Variants in DMXL1 observed in about 807,000 individuals in gnomAD.
The protein encoded by DMXL1 is Dmx like 1.
In DMXL1, 99 loss-of-function variants were observed where a neutral mutation model predicts 319.2. That is an observed-to-expected ratio of 0.31 (90% confidence interval 0.26 to 0.37). The LOEUF (loss-of-function observed/expected upper bound fraction) is 0.37. Ranked by LOEUF, DMXL1 falls within the 10% of genes least tolerant of loss-of-function variation. DMXL1 has a pLI of 1.00. For missense variants in DMXL1, 3,745 were observed against 3,595.6 expected (o/e 1.04, Z -1.06); for synonymous variants, 1,385 against 1,235.2 (o/e 1.12, Z -2.54).
intron 40 of DMXL1, among the ~76,000 whole-genome samples, chr5:119,237,910 A>G (rs1313517473): frequency 1.3e-5 from 2 of 152,060 alleles, no homozygotes; most frequent in East Asian, 1.9e-4. Context: ...TTTATATTTC[A>G]TATCTTCAGT....
intron 8 of DMXL1, among the ~76,000 whole-genome samples, chr5:119,119,240 C>T (rs1761497514): frequency 1.3e-5 from 2 of 152,144 alleles, no homozygotes; most frequent in Admixed American, 1.3e-4. Context: ...AGGATGATTA[C>T]ATTTGACTTG....
intron 19 of DMXL1, among the ~76,000 whole-genome samples, chr5:119,162,066 C>T (rs1772393438): frequency 1.3e-5 from 2 of 152,216 alleles, no homozygotes; most frequent in South Asian, 2.1e-4. Flanking sequence ...ACTGGGGAAG[C>T]TCAATGTCTG....
At position 119,149,103 on chromosome 5, in the gene DMXL1, C is replaced by A; in HGVS notation, c.3276C>A (p.Val1092=). ...AGTCAACAGGAGGTTCATGTTGGGT[C>A]CTTGAGCAGACAATTCATTTAGATG... is the stretch of plus-strand genomic sequence containing the variant. ...ECESTGGSCW[V]LEQTIHLDEL... is the part of the protein sequence containing the mutation. The change falls in exon 18 of 44, where the codon GTC becomes GTA. Residue 1092 remains valine, a synonymous_variant. Coordinates refer to ENST00000539542, the MANE Select transcript of DMXL1 (RefSeq NM_001290321.3). The A allele has an allele frequency of 6.2e-7, 1 of 1,613,792 alleles. No homozygotes were observed. The highest frequency in any genetic ancestry group is 1.1e-5 in the South Asian group (1 of 91,056).
chr5:119,116,092 T>C, intron 6 of DMXL1, 66 bp from the exon 7 acceptor site: 1 of 1,448,654 alleles, frequency 6.9e-7, no homozygotes, highest in African/African-American at 1.4e-5. Context: ...ATTCTTACTT[T>C]TGCTATTTGA....
chr5:119,171,343 T>C (rs1484128174), intron 24 of DMXL1, 63 bp downstream of exon 24: 1 of 1,500,656 alleles, frequency 6.7e-7, no homozygotes, highest in African/African-American at 1.4e-5. Flanking sequence ...GTGTTTCTTT[T>C]TTGGTTTTGA....
At chr5:119,234,678 A>T (rs1787402400) in intron 39 of DMXL1, among the ~76,000 whole-genome samples, 1 of 152,138 alleles carries the variant, frequency 6.6e-6, no homozygotes, top group South Asian at 2.1e-4. Flanking sequence ...TGTATTCTCT[A>T]TCAATGTGCT....
chr5:119,161,577 C>T (rs1240138444), intron 19 of DMXL1, among the ~76,000 whole-genome samples: 1 of 152,338 alleles, frequency 6.6e-6, no homozygotes, highest in East Asian at 1.9e-4. Flanking sequence ...GCAGGCCTGT[C>T]TTCTAAGGAA....
At chr5:119,155,221 TATC>T (rs1231381886) in intron 19 of DMXL1, among the ~76,000 whole-genome samples, 1 of 152,226 alleles carries the variant, frequency 6.6e-6, no homozygotes, top group African/African-American at 2.4e-5. Flanking sequence ...TTTTAAGTCT[TATC>T]ATTTAAGAAA....
intron 32 of DMXL1, among the ~76,000 whole-genome samples, chr5:119,200,161 G>A (rs749102444): frequency 1.3e-5 from 2 of 151,996 alleles, no homozygotes; most frequent in Admixed American, 6.5e-5. Flanking sequence ...TCCTGTGTCC[G>A]GGGTGGTATT....
At chr5:119,209,057 T>G (rs1336629113) in intron 34 of DMXL1, among the ~76,000 whole-genome samples, 1 of 152,250 alleles carries the variant, frequency 6.6e-6, no homozygotes, top group Admixed American at 6.5e-5. Flanking sequence ...TTCTTGTTAT[T>G]TTGATGCTTA....
At chr5:119,180,204 T>TA (rs1303159404) in intron 28 of DMXL1, among the ~76,000 whole-genome samples, 1 of 152,206 alleles carries the variant, frequency 6.6e-6, no homozygotes, top group African/African-American at 2.4e-5. Context: ...TTTTGGGAGA[T>TA]AGAGTTCACT....
At chr5:119,177,938 A>T in intron 27 of DMXL1, 58 bp from the exon 28 acceptor site, 1 of 1,437,320 alleles carries the variant, frequency 7.0e-7, no homozygotes, top group Non-Finnish European at 9.2e-7. Context: ...AATATAGTTA[A>T]TTTTTAAAAT....
At chr5:119,165,334 A>G (rs1448281469) in intron 21 of DMXL1, 54 bp downstream of exon 21, 1 of 918,798 alleles carries the variant, frequency 1.1e-6, no homozygotes, top group African/African-American at 1.7e-5. Context: ...CCTGTTCATA[A>G]GAAGTAAATG....
chr5:119,124,102 A>G (rs1169502318), intron 9 of DMXL1, among the ~76,000 whole-genome samples: 2 of 151,716 alleles, frequency 1.3e-5, no homozygotes, highest in East Asian at 2.0e-4. Flanking sequence ...TGAGGCCAGG[A>G]GTTCAAGACC....
intron 1 of DMXL1, among the ~76,000 whole-genome samples, chr5:119,082,654 T>C (rs1484596334): frequency 6.6e-6 from 1 of 152,238 alleles, no homozygotes; most frequent in East Asian, 1.9e-4. Flanking sequence ...TACATTCATA[T>C]AATTTGTGAA....
rs114973045 is a variant in DMXL1 at position 119,174,948 on chromosome 5, C to A, written c.6682-313C>A. Among the ~76,000 whole-genome samples, 588 of 152,290 alleles carry A rather than the reference C, an allele frequency of 3.9e-3. 5 individuals are homozygous for A. Among genetic ancestry groups the A allele is most frequent in the African/African-American group, 0.014 (572 of 41,574 alleles). ...AAAAAGCAGATTGAGTGTTGGAGGGCTTACTTTAATACATGGTTCATGCTC... is the reference window on the plus strand; with the variant it reads ...AAAAAGCAGATTGAGTGTTGGAGGGATTACTTTAATACATGGTTCATGCTC... On this transcript the variant is annotated intron_variant, in intron 25 of 43. Transcript: ENST00000539542.
intron 35 of DMXL1, among the ~76,000 whole-genome samples, chr5:119,218,518 G>A (rs183527341): frequency 0.022 from 3,281 of 151,886 alleles, 108 homozygotes; most frequent in African/African-American, 0.075. Context: ...GTGCAGTGGC[G>A]CGATCTTGGC....
At chr5:119,195,633 T>A (rs2150402161) in intron 30 of DMXL1, among the ~76,000 whole-genome samples, 1 of 152,244 alleles carries the variant, frequency 6.6e-6, no homozygotes, top group East Asian at 1.9e-4. Flanking sequence ...TGAAAGGAAT[T>A]CTGGAGTTGG....
chr5:119,099,628 T>C (rs1756781982), intron 2 of DMXL1, among the ~76,000 whole-genome samples: 1 of 152,174 alleles, frequency 6.6e-6, no homozygotes, highest in South Asian at 2.1e-4. Flanking sequence ...ATGGAGCTGG[T>C]TAATGTTAAA....
Sources: allele counts gnomAD v4.1 joint callset (sites outside exome capture counted in the v4.1 genomes callset), GRCh38; gene constraint gnomAD v4.1.1; transcripts MANE v1.5; gene names NCBI Gene and HGNC (gene_info 2026-07-23, HGNC 2026-07-21).